DDC: variants seen among roughly 807,000 people sequenced by gnomAD.
DDC encodes aromatic-L-amino-acid decarboxylase.
A neutral mutation model predicts 60.0 loss-of-function variants in DDC; 43 were observed. The ratio of observed to expected loss-of-function variants is 0.72; its 90% CI spans 0.56 to 0.92. The LOEUF (loss-of-function observed/expected upper bound fraction) is 0.92, where lower values mean the gene tolerates loss of function less well. DDC is among the 40% of genes least tolerant of loss of function. The probability of loss-of-function intolerance (pLI) is 0.00; values close to 1 mark genes in which losing one functional copy is unlikely to be tolerated. For missense variants in DDC, 573 were observed against 620.2 expected, an observed-to-expected ratio of 0.92 and a Z score of 0.81; for synonymous variants, 232 against 234.6, an observed-to-expected ratio of 0.99 and a Z score of 0.10.
At position 50,504,168 on chromosome 7, in the gene DDC, G is replaced by A. The variant is rs540797050; in HGVS notation, c.715-109C>T. 67 of 774,200 alleles carry A rather than the reference G, an allele frequency of 8.7e-5. No individual in the cohort carries two copies. In the African/African-American group the frequency reaches 1.1e-3, roughly 13 times the overall value. 48.0% of individuals were successfully genotyped at this position (774,200 alleles called of 1,614,324 possible). A position where few individuals can be genotyped will look rare whatever the true frequency, so the allele number is the denominator to read the frequency against. On this transcript the variant is annotated intron_variant, in intron 6 of 14. Transcript: ENST00000444124. ...GGTCCAACCTGGGGCCATGAGCCGA[G>A]ATCCCAATGAATGTCTGCTACATGG... is the stretch of plus-strand genomic sequence containing the variant.
chr7:50,480,767 G>A (rs565482073), intron 9 of DDC, among the ~76,000 whole-genome samples: 14 of 152,278 alleles, frequency 9.2e-5, no homozygotes, highest in Admixed American at 7.2e-4. Flanking sequence ...TGGCCCTGCT[G>A]GCATCAGTAA....
At chr7:50,528,423 C>G in intron 5 of DDC, 143 bp from the exon 6 acceptor site, 1 of 936,192 alleles carries the variant, frequency 1.1e-6, no homozygotes, top group Non-Finnish European at 1.7e-6. Flanking sequence ...CCTGACTGCT[C>G]CCTCTCCCCT....
intron 1 of DDC, among the ~76,000 whole-genome samples, chr7:50,560,475 A>G (rs762029286): frequency 6.6e-6 from 1 of 152,048 alleles, no homozygotes; most frequent in Non-Finnish European, 1.5e-5. Flanking sequence ...TATAAAATCA[A>G]ACCTGGTTTT....
intron 9 of DDC, chr7:50,492,954 A>C (rs1378189608): frequency 6.3e-7 from 1 of 1,598,270 alleles, no homozygotes; most frequent in African/African-American, 1.3e-5. Context: ...TCACCACCGC[A>C]CTGACTAAGC....
chr7:50,544,359 G>A (rs748654460), intron 1 of DDC, among the ~76,000 whole-genome samples: 4 of 152,258 alleles, frequency 2.6e-5, no homozygotes, highest in South Asian at 2.1e-4. Flanking sequence ...ACACAACGTC[G>A]CTTTATTTCA....
chr7:50,536,552 C>G (rs2044418128), intron 4 of DDC, among the ~76,000 whole-genome samples: 1 of 152,194 alleles, frequency 6.6e-6, no homozygotes, highest in South Asian at 2.1e-4. Context: ...TTGGAAGCCT[C>G]TAGAAGTCAG....
Position 50,547,413 on chromosome 7 carries a change from C to T in DDC, c.-28-3300G>A, listed in dbSNP as rs191418005. On this transcript the variant is annotated intron_variant, in intron 1 of 14. Transcript: ENST00000444124. Reference sequence around the variant, plus strand: ...TGTATTTTTAGTAGAGACAGGATTTCGCCATGTTGGTCAGGCTGGTCTTGA... The same window carrying T: ...TGTATTTTTAGTAGAGACAGGATTTTGCCATGTTGGTCAGGCTGGTCTTGA... Among the ~76,000 whole-genome samples, 99 of 152,052 alleles carry T rather than the reference C, an allele frequency of 6.5e-4. 1 individual carries two copies. Among genetic ancestry groups the T allele is most frequent in the African/African-American group, 2.1e-3 (88 of 41,478 alleles).
At chr7:50,528,429 C>A in intron 5 of DDC, 149 bp from the exon 6 acceptor site, 2 of 883,822 alleles carry the variant, frequency 2.3e-6, no homozygotes, top group Non-Finnish European at 3.7e-6. Flanking sequence ...TGCTCCCTCT[C>A]CCCTGCACCT....
At chr7:50,529,783 A>G (rs1207464069) in intron 4 of DDC, among the ~76,000 whole-genome samples, 2 of 152,156 alleles carry the variant, frequency 1.3e-5, no homozygotes, top group African/African-American at 4.8e-5. Flanking sequence ...ATTTTCCTTG[A>G]GACTAAGAGA....
chr7:50,534,182 G>C (rs1355278850), intron 4 of DDC, among the ~76,000 whole-genome samples: 1 of 152,180 alleles, frequency 6.6e-6, no homozygotes, highest in South Asian at 2.1e-4. Context: ...ACACTCCCTT[G>C]TACCTACTCC....
intron 11 of DDC, 152 bp from the exon 12 acceptor site, chr7:50,470,323 G>T (rs1585141584): frequency 1.4e-6 from 1 of 708,316 alleles, no homozygotes; most frequent in East Asian, 2.6e-5. Flanking sequence ...GGATGGCAGG[G>T]CCCTCGGTGA....
In DDC at chr7:50,469,052, G is replaced by C. The variant is rs189948344; in HGVS notation, c.1140+1021C>G. On this transcript the variant is annotated intron_variant, in intron 12 of 14. Transcript: ENST00000444124. Reference sequence around the variant, plus strand: ...CCTCCCAGGTTCAAGTGATTCTTCTGCCTCAGCCTCCCGAGTAGCTGGGAT... The same window carrying C: ...CCTCCCAGGTTCAAGTGATTCTTCTCCCTCAGCCTCCCGAGTAGCTGGGAT... Among the ~76,000 whole-genome samples the C allele has an allele frequency of 2.3e-3, 334 of 147,854 alleles. 1 individual carries two copies. The highest frequency in any genetic ancestry group is 7.2e-3 in the African/African-American group (287 of 39,946).
At chr7:50,499,785 A>G (rs1240368870) in intron 7 of DDC, among the ~76,000 whole-genome samples, 1 of 152,178 alleles carries the variant, frequency 6.6e-6, no homozygotes, top group African/African-American at 2.4e-5. Flanking sequence ...TTTTCCAACC[A>G]TGCATAGCAG....
intron 14 of DDC, among the ~76,000 whole-genome samples, chr7:50,460,859 G>C (rs993010960): frequency 2.5e-4 from 38 of 151,420 alleles, no homozygotes; most frequent in Admixed American, 1.7e-3. Flanking sequence ...CAGCATGCTC[G>C]TTAAGAGTCA....
chr7:50,535,668 G>A (rs2044380893), intron 4 of DDC, among the ~76,000 whole-genome samples: 1 of 152,178 alleles, frequency 6.6e-6, no homozygotes, highest in Non-Finnish European at 1.5e-5. Flanking sequence ...CCAGAGTCTA[G>A]GAATAGGCAT....
At chr7:50,506,241 C>T (rs2043391897) in intron 6 of DDC, among the ~76,000 whole-genome samples, 3 of 152,102 alleles carry the variant, frequency 2.0e-5, no homozygotes, top group Admixed American at 2.0e-4. Context: ...AGTGTGAGAG[C>T]CCCACAGAGG....
At chr7:50,545,716 A>G (rs1158036180) in intron 1 of DDC, among the ~76,000 whole-genome samples, 1 of 152,134 alleles carries the variant, frequency 6.6e-6, no homozygotes, top group South Asian at 2.1e-4. Flanking sequence ...CTGGTGATCC[A>G]CCAGCCTCGG....
chr7:50,529,440 T>A, intron 4 of DDC, 98 bp from the exon 5 acceptor site: 1 of 1,470,550 alleles, frequency 6.8e-7, no homozygotes, highest in Non-Finnish European at 9.5e-7. Flanking sequence ...CATAGTTTTC[T>A]TAAAATATGA....
chr7:50,531,458 C>T (rs2044204812), intron 4 of DDC, among the ~76,000 whole-genome samples: 1 of 152,096 alleles, frequency 6.6e-6, no homozygotes, highest in Non-Finnish European at 1.5e-5. Flanking sequence ...GCTTCCCCGG[C>T]TAAATTCTAC....
Sources: gnomAD v4.1 joint callset for allele counts (sites outside exome capture counted in the v4.1 genomes callset) on GRCh38, gnomAD v4.1.1 for gene constraint, MANE v1.5 for transcripts, NCBI Gene and HGNC (gene_info 2026-07-23, HGNC 2026-07-21) for gene names.